The following KIAA1671 variants were observed in gnomAD, a reference collection of about 807,000 sequenced individuals.
KIAA1671 encodes KIAA1671.
Under a neutral mutation model 131.2 loss-of-function variants are expected in KIAA1671, and 52 were observed. The observed-to-expected ratio is 0.40, with a 90% CI of 0.32 to 0.50. The LOEUF is 0.50. KIAA1671 is among the 20% of genes least tolerant of loss of function. The pLI is 0.73. For synonymous variants in KIAA1671, 1,003 were observed against 961.6 expected (o/e 1.04, Z -0.80); for missense variants, 2,360 against 2,364.2 (o/e 1.00, Z 0.04).
At position 25,076,585 on chromosome 22, in the gene KIAA1671, T is replaced by C. The variant is rs192094821; in HGVS notation, c.4530+27221T>C. Among the ~76,000 whole-genome samples the C allele has an allele frequency of 2.8e-3, 425 of 152,318 alleles. 1 individual carries two copies. The highest frequency in any genetic ancestry group is 3.3e-3 in the Non-Finnish European group (224 of 68,030). On this transcript the variant is annotated intron_variant, in intron 6 of 12. Coordinates refer to ENST00000358431, the MANE Select transcript of KIAA1671 (RefSeq NM_001145206.2). ...GAGAGATTAAGTTTCTCTTTCAAAC[T>C]ATTAGTAAGAATAGCTGAGGGCTAC... is the stretch of plus-strand genomic sequence containing the variant.
At chr22:25,111,431 C>G (rs1331773189) in intron 6 of KIAA1671, among the ~76,000 whole-genome samples, 1 of 152,238 alleles carries the variant, frequency 6.6e-6, no homozygotes, top group Admixed American at 6.5e-5. Flanking sequence ...CCGCCTCCGC[C>G]TCCCCGAGGC....
chr22:25,149,310 G>A (rs768012858), intron 6 of KIAA1671, among the ~76,000 whole-genome samples: 1 of 152,204 alleles, frequency 6.6e-6, no homozygotes, highest in Non-Finnish European at 1.5e-5. Context: ...CTGAATCCTC[G>A]TGACCTTCAT....
chr22:25,097,983 A>G lies in KIAA1671; in HGVS notation c.4530+48619A>G, dbSNP rs533865699. 2.0e-5 allele frequency among the ~76,000 whole-genome samples: 3 copies of G among 152,290 alleles called. No homozygotes were observed. In the South Asian group the frequency reaches 6.2e-4, roughly 32 times the overall value. On this transcript the variant is annotated intron_variant, in intron 6 of 12. Coordinates refer to ENST00000358431, the MANE Select transcript of KIAA1671 (RefSeq NM_001145206.2). ...CCAGCCATCCTCAGGAGCCCGGACA[A>G]CATCCCACCAAGGAGGAGGGTGCAT...
chr22:25,038,404 T>C (rs1057500139), intron 4 of KIAA1671, among the ~76,000 whole-genome samples: 2 of 152,246 alleles, frequency 1.3e-5, no homozygotes, highest in African/African-American at 4.8e-5. Flanking sequence ...TCAGGTTGTT[T>C]CTGTGTTCTT....
At chr22:25,000,754 T>C (rs1924419508) in intron 1 of KIAA1671, among the ~76,000 whole-genome samples, 1 of 150,710 alleles carries the variant, frequency 6.6e-6, no homozygotes, top group South Asian at 2.1e-4. Flanking sequence ...TGGCCTCAAG[T>C]GAATCCGCCT....
At chr22:25,173,126 G>A (rs561696674) in intron 7 of KIAA1671, among the ~76,000 whole-genome samples, 144 of 152,294 alleles carry the variant, frequency 9.5e-4, no homozygotes, top group Non-Finnish European at 1.8e-3. Flanking sequence ...GAGAGAGAAC[G>A]GGAAGGTGCC....
At chr22:24,983,309 A>G (rs2123832706) in intron 1 of KIAA1671, among the ~76,000 whole-genome samples, 1 of 152,314 alleles carries the variant, frequency 6.6e-6, no homozygotes, top group South Asian at 2.1e-4. Context: ...GCTGTAAAAG[A>G]GAATCCCTCC....
intron 6 of KIAA1671, among the ~76,000 whole-genome samples, chr22:25,114,032 G>A (rs998450178): frequency 5.3e-5 from 8 of 152,182 alleles, no homozygotes; most frequent in Admixed American, 1.3e-4. Flanking sequence ...TCCCCTAGGC[G>A]TCTTACCCTG....
At chr22:24,991,428 C>T (rs1386246500) in intron 1 of KIAA1671, among the ~76,000 whole-genome samples, 1 of 151,900 alleles carries the variant, frequency 6.6e-6, no homozygotes, top group African/African-American at 2.4e-5. Flanking sequence ...CTTGGACAGA[C>T]AGTTCATCTC....
chr22:25,051,286 A>G (rs1927519451), intron 6 of KIAA1671: 1 of 152,192 alleles, frequency 6.6e-6, no homozygotes, highest in Non-Finnish European at 1.5e-5. Context: ...CCAACAGCCC[A>G]TCCTAGAGGG....
chr22:25,046,024 G>A (rs901032898), intron 5 of KIAA1671, among the ~76,000 whole-genome samples: 3 of 152,076 alleles, frequency 2.0e-5, no homozygotes, highest in Admixed American at 2.0e-4. Flanking sequence ...GGGTTGTGCC[G>A]GGTGCAGTGG....
In KIAA1671 at chr22:25,194,197, C is replaced by T. The variant is rs1934753091; in HGVS notation, c.*1796C>T. 3 of 152,220 alleles carry T rather than the reference C, an allele frequency of 2.0e-5. No homozygotes were observed. The highest frequency in any genetic ancestry group is 6.5e-5 in the Admixed American group (1 of 15,282). The allele number at this position is 152,220 out of a possible 1,614,324, so 9.4% of individuals were successfully genotyped here. ...CAAGTGATTCTCCCACCTCAGCCTCCCAAGTAGCTGGGACTACAGGTGTAT... is the reference window on the plus strand; with the variant it reads ...CAAGTGATTCTCCCACCTCAGCCTCTCAAGTAGCTGGGACTACAGGTGTAT... On this transcript the variant is annotated 3_prime_UTR_variant, in exon 13 of 13. Transcript: ENST00000358431.
chr22:25,193,865 GCAT>G lies in KIAA1671; in HGVS notation c.*1466_*1468del, dbSNP rs1254813608. On this transcript the variant is annotated 3_prime_UTR_variant, in exon 13 of 13. Transcript: ENST00000358431. ...AGCCTTTTACACCTGGGAGCCTCAT[GCAT>G]CTGGGTTTGGGAGTTTGGCCCTGCT... 6.6e-6 allele frequency: 1 copy of G among 152,194 alleles called. No individual in the cohort carries two copies. The highest frequency in any genetic ancestry group is 1.5e-5 in the Non-Finnish European group (1 of 68,048). The allele number at this position is 152,194 out of a possible 1,614,324, so 9.4% of individuals were successfully genotyped here. A position where few individuals can be genotyped will look rare whatever the true frequency, so the allele number is the denominator to read the frequency against.
intron 1 of KIAA1671, among the ~76,000 whole-genome samples, chr22:24,968,287 T>C (rs1922410944): frequency 6.6e-6 from 1 of 152,096 alleles, no homozygotes; most frequent in Admixed American, 6.5e-5. Context: ...GCAGAGCAGG[T>C]GTGAGCCATC....
At chr22:25,189,251 T>TCACACCATTCTCCTGCCTC (rs1034868089) in intron 11 of KIAA1671, among the ~76,000 whole-genome samples, 17 of 151,940 alleles carry the variant, frequency 1.1e-4, no homozygotes, top group East Asian at 5.8e-4. Context: ...CCTCCTGGGT[T>TCACACCATTCTCCTGCCTC]CACACCATTC....
In KIAA1671 at chr22:25,028,965, G is replaced by A. The variant is rs925288458; in HGVS notation, c.966G>A (p.Ala322=). Residue 322 remains alanine (A), a synonymous_variant, in exon 3 of 13, where the codon GCG becomes GCA. Coordinates refer to ENST00000358431, the MANE Select transcript of KIAA1671 (RefSeq NM_001145206.2). ...DMAGLERPRA[A]SKLDRDCLVK... ...CTGGGCTAGAGAGGCCCAGAGCAGC[G>A]TCCAAGCTGGACAGGGACTGTTTGG... 4.7e-5 allele frequency: 72 copies of A among 1,545,248 alleles called. No homozygotes were observed. The African/African-American group carries it at 6.4e-4, about 14-fold the overall frequency.
chr22:25,174,887 G>A (rs1202749470), intron 8 of KIAA1671: 1 of 163,486 alleles, frequency 6.1e-6, no homozygotes, highest in Admixed American at 6.1e-5. Context: ...AGTTTGCTCA[G>A]AATGATTCTG....
intron 1 of KIAA1671, among the ~76,000 whole-genome samples, chr22:24,993,168 C>T (rs5752037): frequency 0.15 from 22,607 of 151,996 alleles, 1,890 homozygotes; most frequent in East Asian, 0.28. Flanking sequence ...GTCCCCCCAC[C>T]GGGAGTGGGA....
intron 6 of KIAA1671, among the ~76,000 whole-genome samples, chr22:25,100,366 C>A (rs532442007): frequency 6.6e-6 from 1 of 152,298 alleles, no homozygotes; most frequent in East Asian, 1.9e-4. Context: ...CACAACCAAT[C>A]TAAGTGTGAG....
Sources: allele counts gnomAD v4.1 joint callset (sites outside exome capture counted in the v4.1 genomes callset), GRCh38; gene constraint gnomAD v4.1.1; transcripts MANE v1.5; gene names NCBI Gene and HGNC (gene_info 2026-07-23, HGNC 2026-07-21).